Variants in COL4A1 observed in about 807,000 individuals in gnomAD.
COL4A1 encodes the protein collagen alpha-1(IV) chain.
Under a neutral mutation model 216.6 loss-of-function variants are expected in COL4A1, and 40 were observed. The ratio of observed to expected loss-of-function variants is 0.18; its 90% CI spans 0.14 to 0.24. The LOEUF is 0.24. Ranked by LOEUF, COL4A1 falls within the 10% of genes least tolerant of loss-of-function variation. COL4A1 has a pLI of 1.00. For missense variants in COL4A1, 1,628 were observed against 2,196.8 expected, an observed-to-expected ratio of 0.74 and a Z score of 5.18; for synonymous variants, 839 against 810.7, an observed-to-expected ratio of 1.03 and a Z score of -0.59.
At chr13:110,168,398 T>C (rs762036873) in intron 43 of COL4A1, among the ~76,000 whole-genome samples, 14 of 152,214 alleles carry the variant, frequency 9.2e-5, no homozygotes, top group Non-Finnish European at 1.9e-4. Context: ...CTTACATTAC[T>C]GGAAAACTGC....
chr13:110,230,367 A>G (rs1400711398), intron 2 of COL4A1, among the ~76,000 whole-genome samples: 1 of 152,014 alleles, frequency 6.6e-6, no homozygotes, highest in Non-Finnish European at 1.5e-5. Context: ...AGTAGAGAGG[A>G]CAAAGCACAC....
Position 110,207,628 on chromosome 13 carries a change from T to G in COL4A1, c.694-139A>C, listed in dbSNP as rs538862344. 2 of 683,940 alleles carry G rather than the reference T, an allele frequency of 2.9e-6. No homozygotes were observed. Among genetic ancestry groups the G allele is most frequent in the Non-Finnish European group, 5.0e-6 (2 of 402,372 alleles). 42.4% of individuals were successfully genotyped at this position (683,940 alleles called of 1,614,324 possible). On this transcript the variant is annotated intron_variant, in intron 12 of 51. Coordinates refer to ENST00000375820, the MANE Select transcript of COL4A1 (RefSeq NM_001845.6). This position sits in a 1 kb window ranked among gnomAD's most constrained non-coding sequence, Gnocchi z 4.4. Reference sequence around the variant, plus strand: ...ATACTCTATTCTGTTCTAATCATCCTTGCCTCTGCAGAAAATCAAATTTCA... The same window carrying G: ...ATACTCTATTCTGTTCTAATCATCCGTGCCTCTGCAGAAAATCAAATTTCA...
At chr13:110,176,167 T>G (rs1430320804) in intron 36 of COL4A1, among the ~76,000 whole-genome samples, 1 of 152,212 alleles carries the variant, frequency 6.6e-6, no homozygotes, top group Non-Finnish European at 1.5e-5. Context: ...CACTTGGAGA[T>G]CATCAAAAGT....
intron 26 of COL4A1, among the ~76,000 whole-genome samples, chr13:110,185,131 C>G (rs1275108407): frequency 1.3e-5 from 2 of 152,068 alleles, no homozygotes; most frequent in South Asian, 4.1e-4. Flanking sequence ...AAATATCCAG[C>G]TACTTTATTT....
chr13:110,219,637 G>T (rs1234920349), intron 2 of COL4A1, among the ~76,000 whole-genome samples: 2 of 128,194 alleles, frequency 1.6e-5, no homozygotes, highest in African/African-American at 3.0e-5. Context: ...TAAGCCCATT[G>T]TAAGTTGAAA....
Position 110,187,325 on chromosome 13 carries a change from G to A in COL4A1, c.1541C>T (p.Pro514Leu), listed in dbSNP as rs1235407477. 1 of 1,612,186 alleles carries A rather than the reference G, an allele frequency of 6.2e-7. No individual in the cohort carries two copies. The highest frequency in any genetic ancestry group is 1.7e-5 in the Admixed American group (1 of 60,010). ...GCCTATCAGCCCTGGTGTACCTTGA[G>A]GGCCCTGTAAGAACAAAGCCTTGTG... ...GRDGVAGVPG[P>L]QGTPGLIGQP... The change falls in exon 25 of 52, where the codon CCT (proline) becomes CTT (leucine). Residue 514 changes from proline to leucine, a missense_variant. Physicochemically the swap from Pro to Leu is moderately conservative, Grantham distance 98. Around this residue, in one of 8 missense-constraint regions of COL4A1, gnomAD observed 701 missense variants for 892.5 expected, o/e 0.79. Coordinates refer to ENST00000375820, the MANE Select transcript of COL4A1 (RefSeq NM_001845.6).
At chr13:110,234,301 G>A (rs1439262145) in intron 2 of COL4A1, among the ~76,000 whole-genome samples, 1 of 152,208 alleles carries the variant, frequency 6.6e-6, no homozygotes, top group East Asian at 1.9e-4. Context: ...AAGGGTCAGA[G>A]GCTCGGTACA....
intron 1 of COL4A1, among the ~76,000 whole-genome samples, chr13:110,279,627 T>C (rs940466273): frequency 3.3e-5 from 5 of 152,308 alleles, no homozygotes; most frequent in African/African-American, 1.2e-4. Context: ...GTGTCTTTTC[T>C]TGCAGGGGAA....
intron 43 of COL4A1, among the ~76,000 whole-genome samples, chr13:110,169,041 TCACA>T (rs34858383): frequency 1.3e-5 from 2 of 151,312 alleles, no homozygotes; most frequent in African/African-American, 4.9e-5. Flanking sequence ...AGAGCCAAAG[TCACA>T]CACACACACA....
chr13:110,211,989 A>T lies in COL4A1; in HGVS notation c.388-67T>A. Reference sequence around the variant, plus strand: ...GCAGACACATCAGCCCTGACATCGCATGCATCACTCTGCCCTACCCTTCAT... The same window carrying T: ...GCAGACACATCAGCCCTGACATCGCTTGCATCACTCTGCCCTACCCTTCAT... On this transcript the variant is annotated intron_variant, in intron 6 of 51. Transcript: ENST00000375820. This position sits in a 1 kb window ranked among gnomAD's most constrained non-coding sequence, Gnocchi z 4.3. The T allele has an allele frequency of 1.4e-6, 2 of 1,434,206 alleles. No homozygotes were observed. Among genetic ancestry groups the T allele is most frequent in the Non-Finnish European group, 2.0e-6 (2 of 1,016,178 alleles). 88.8% of individuals were successfully genotyped at this position (1,434,206 alleles called of 1,614,324 possible).
At chr13:110,261,414 G>C (rs746380370) in intron 1 of COL4A1, among the ~76,000 whole-genome samples, 47 of 152,238 alleles carry the variant, frequency 3.1e-4, no homozygotes, top group Non-Finnish European at 5.9e-4. Context: ...TCACTGGTTT[G>C]CTGCTGCGTT....
chr13:110,226,685 A>G (rs991240720), intron 2 of COL4A1, among the ~76,000 whole-genome samples: 1 of 152,216 alleles, frequency 6.6e-6, no homozygotes, highest in Non-Finnish European at 1.5e-5. Flanking sequence ...AATTTGAAAA[A>G]GCAGTAGTGA....
In COL4A1 at chr13:110,181,195, C is replaced by T. The variant is rs1878134864; in HGVS notation, c.2193+97G>A. 7 of 1,188,020 alleles carry T rather than the reference C, an allele frequency of 5.9e-6. No individual in the cohort carries two copies. The African/African-American group carries it at 6.0e-5, about 10-fold the overall frequency. 73.6% of individuals were successfully genotyped at this position (1,188,020 alleles called of 1,614,324 possible). A position where few individuals can be genotyped will look rare whatever the true frequency, so the allele number is the denominator to read the frequency against. ...TCATCAAAAACAAAAATCTGCTGGC[C>T]CAACATGTCCTGGGACGTTCACAAC... is the stretch of plus-strand genomic sequence containing the variant. On this transcript the variant is annotated intron_variant, in intron 29 of 51. Coordinates refer to ENST00000375820, the MANE Select transcript of COL4A1 (RefSeq NM_001845.6).
chr13:110,202,860 A>C (rs1165960476), intron 18 of COL4A1, among the ~76,000 whole-genome samples: 1 of 152,244 alleles, frequency 6.6e-6, no homozygotes, highest in Admixed American at 6.5e-5. Flanking sequence ...AGGATAGTTA[A>C]ATTACAGATG....
rs7318502 is a variant in COL4A1 at position 110,198,841 on chromosome 13, A to G, written c.1121-210T>C. On this transcript the variant is annotated intron_variant, in intron 20 of 51. Transcript: ENST00000375820. ...AATGTTTCCTACAAATTAACTTCAA[A>G]GAACAGGGACTCATTACGTAGATAT... is the stretch of plus-strand genomic sequence containing the variant. Among the ~76,000 whole-genome samples the G allele has an allele frequency of 7.9e-3, 1,198 of 152,352 alleles. 14 individuals carry two copies. The highest frequency in any genetic ancestry group is 0.027 in the African/African-American group (1,142 of 41,576).
In COL4A1 at chr13:110,167,239, G is replaced by A. The variant is rs589985; in HGVS notation, c.3877-9C>T. 1,063,112 of 1,601,826 alleles carry A rather than the reference G, an allele frequency of 0.66. 355,308 individuals are homozygous for A. The highest frequency in any genetic ancestry group is 0.78 in the Admixed American group (46,813 of 59,976). The stretch of plus-strand genomic sequence containing the variant: ...GGAGAGCCACCAATACCCTAGACAC[G>A]CAAAGAGGAGGTTGGGAATTGCTCA... On this transcript the variant is annotated splice_polypyrimidine_tract_variant and intron_variant, in intron 43 of 51. Coordinates refer to ENST00000375820, the MANE Select transcript of COL4A1 (RefSeq NM_001845.6).
intron 26 of COL4A1, 68 bp from the exon 27 acceptor site, chr13:110,183,344 C>T (rs771187401): frequency 8.1e-6 from 12 of 1,473,032 alleles, no homozygotes; most frequent in Middle Eastern, 1.7e-4. Flanking sequence ...AGGGAGGACA[C>T]GCAGTGGGTG....
At chr13:110,187,501 C>G (rs1488839433) in intron 24 of COL4A1, among the ~76,000 whole-genome samples, 172 bp from the exon 25 acceptor site, 1 of 152,172 alleles carries the variant, frequency 6.6e-6, no homozygotes, top group Non-Finnish European at 1.5e-5. Flanking sequence ...TGACAAAGCC[C>G]TGGTCTGCTG....
chr13:110,218,591 T>A (rs1478245341), intron 2 of COL4A1, among the ~76,000 whole-genome samples: 1 of 152,200 alleles, frequency 6.6e-6, no homozygotes, highest in Non-Finnish European at 1.5e-5. Flanking sequence ...GCCAATTGCA[T>A]AACATGACGC....
Sources: gnomAD v4.1 joint callset for allele counts (sites outside exome capture counted in the v4.1 genomes callset) on GRCh38, gnomAD v4.1.1 for gene constraint, gnomAD v4.1.1 regional missense constraint, Gnocchi (gnomAD v3.1) non-coding constraint, MANE v1.5 for transcripts, NCBI Gene and HGNC (gene_info 2026-07-23, HGNC 2026-07-21) for gene names.